The following MYOCD variants were observed in gnomAD, a reference collection of about 807,000 sequenced individuals.
The protein encoded by MYOCD is myocardin.
Under a neutral mutation model 96.1 loss-of-function variants are expected in MYOCD, and 32 were observed. The observed-to-expected ratio is 0.33, with a 90% CI of 0.25 to 0.45. MYOCD has a LOEUF of 0.45. Ranked by LOEUF, MYOCD falls within the 20% of genes least tolerant of loss-of-function variation. The probability of loss-of-function intolerance (pLI) is 1.00; values close to 1 mark genes in which losing one functional copy is unlikely to be tolerated. For missense variants in MYOCD, 1,133 were observed against 1,200.6 expected (o/e 0.94, Z 0.83); for synonymous variants, 469 against 469.0 (o/e 1.00, Z 0.00).
intron 5 of MYOCD, among the ~76,000 whole-genome samples, chr17:12,734,255 A>C: frequency 6.6e-6 from 1 of 152,138 alleles, no homozygotes; most frequent in East Asian, 1.9e-4. Context: ...GGAAGTGGGC[A>C]GGGGAGGTGA....
At chr17:12,746,243 T>C (rs2032661608) in intron 9 of MYOCD, among the ~76,000 whole-genome samples, 171 bp downstream of exon 9, 1 of 152,168 alleles carries the variant, frequency 6.6e-6, no homozygotes, top group African/African-American at 2.4e-5. Flanking sequence ...AACACCCCAG[T>C]TGTCTAGTCC....
At chr17:12,706,228 TG>T (rs1202546628) in intron 2 of MYOCD, 1 of 152,158 alleles carries the variant, frequency 6.6e-6, no homozygotes, top group African/African-American at 2.4e-5. Flanking sequence ...GACCTTAAAG[TG>T]GGACAACTCT....
chr17:12,725,868 G>T (rs111533486), intron 5 of MYOCD, among the ~76,000 whole-genome samples: 2,747 of 152,120 alleles, frequency 0.018, 90 homozygotes, highest in African/African-American at 0.063. Context: ...AGAGTAGTTT[G>T]CAAGATAGAT....
chr17:12,743,526 C>G (rs1434391271), intron 7 of MYOCD, among the ~76,000 whole-genome samples: 1 of 113,384 alleles, frequency 8.8e-6, no homozygotes, highest in Non-Finnish European at 1.7e-5. Context: ...GAGTTTCGCT[C>G]TTGTTGCCCA....
Position 12,752,455 on chromosome 17 carries a change from T to C in MYOCD, c.1167T>C (p.Pro389=), listed in dbSNP as rs1442791181. ...AACAGCTTCGAATTCGGGGCTTGCCTGTGTCAGGCACCAAAACGGCTCTCA... is the reference window on the plus strand; with the variant it reads ...AACAGCTTCGAATTCGGGGCTTGCCCGTGTCAGGCACCAAAACGGCTCTCA... The part of the protein sequence containing the change: ...LRQQLRIRGL[P]VSGTKTALMD... Residue 389 remains proline (P), a synonymous_variant, in exon 10 of 14, where the codon CCT becomes CCC. Coordinates refer to ENST00000425538, the MANE Select transcript of MYOCD (RefSeq NM_001146312.3). The C allele has an allele frequency of 6.2e-7, 1 of 1,613,918 alleles. No individual in the cohort carries two copies. The highest frequency in any genetic ancestry group is 1.1e-5 in the South Asian group (1 of 91,024).
intron 1 of MYOCD, among the ~76,000 whole-genome samples, chr17:12,693,875 G>GA (rs1278458417): frequency 1.3e-5 from 2 of 151,676 alleles, no homozygotes; most frequent in Admixed American, 6.6e-5. Context: ...TGCAAGAATA[G>GA]AAAAAAATAC....
chr17:12,733,969 T>C (rs2150701182), intron 5 of MYOCD, among the ~76,000 whole-genome samples: 1 of 152,276 alleles, frequency 6.6e-6, no homozygotes, highest in Non-Finnish European at 1.5e-5. Context: ...TTGCTGCCAC[T>C]GCTAGGTAAA....
At chr17:12,731,044 C>A (rs1004006571) in intron 5 of MYOCD, among the ~76,000 whole-genome samples, 1 of 152,188 alleles carries the variant, frequency 6.6e-6, no homozygotes, top group East Asian at 1.9e-4. Context: ...GCCAGTCCTG[C>A]GAGCATAGCC....
chr17:12,677,357 G>C (rs988688922), intron 1 of MYOCD, among the ~76,000 whole-genome samples: 1 of 151,964 alleles, frequency 6.6e-6, no homozygotes, highest in Non-Finnish European at 1.5e-5. Flanking sequence ...CCCATGACAC[G>C]CGTTTACCTG....
intron 1 of MYOCD, among the ~76,000 whole-genome samples, chr17:12,691,039 C>T (rs2030420781): frequency 6.6e-6 from 1 of 152,166 alleles, no homozygotes; most frequent in Admixed American, 6.5e-5. Context: ...AAGTTCTTAG[C>T]TCTATTGTTG....
At chr17:12,738,714 C>T (rs1264565332) in intron 6 of MYOCD, among the ~76,000 whole-genome samples, 1 of 151,738 alleles carries the variant, frequency 6.6e-6, no homozygotes, top group Non-Finnish European at 1.5e-5. Flanking sequence ...TTTTATCTAC[C>T]TTGTTCATTG....
intron 1 of MYOCD, among the ~76,000 whole-genome samples, chr17:12,703,131 G>A (rs2031149771): frequency 6.6e-6 from 1 of 151,906 alleles, no homozygotes; most frequent in African/African-American, 2.4e-5. Flanking sequence ...TGAGTTGGTA[G>A]ATTGGGGGGC....
intron 5 of MYOCD, among the ~76,000 whole-genome samples, chr17:12,732,545 G>T (rs529483638): frequency 3.3e-4 from 50 of 152,278 alleles, no homozygotes; most frequent in African/African-American, 1.1e-3. Context: ...GTCCCATCCA[G>T]ATACAAGGAT....
chr17:12,741,411 A>C (rs552197512), intron 7 of MYOCD, among the ~76,000 whole-genome samples: 1 of 152,340 alleles, frequency 6.6e-6, no homozygotes, highest in African/African-American at 2.4e-5. Context: ...TAAATTTTGC[A>C]TAATTTAAGT....
chr17:12,706,256 G>A (rs571809247), intron 2 of MYOCD: 33 of 152,256 alleles, frequency 2.2e-4, no homozygotes, highest in African/African-American at 7.7e-4. Flanking sequence ...GGTTTGTGAA[G>A]TACAAAAGAA....
intron 6 of MYOCD, among the ~76,000 whole-genome samples, chr17:12,738,879 T>G (rs1326834206): frequency 6.6e-6 from 1 of 151,846 alleles, no homozygotes. Context: ...GTTTTATACC[T>G]GTCTTTTGGA....
rs1431975824 is a variant in MYOCD, at chr17:12,760,722, G to A, written c.2389+15G>A. 1 of 1,610,240 alleles carries A rather than the reference G, an allele frequency of 6.2e-7. No homozygotes were observed. Among genetic ancestry groups the A allele is most frequent in the Non-Finnish European group, 8.5e-7 (1 of 1,176,850 alleles). On this transcript the variant is annotated intron_variant, in intron 13 of 13. Transcript: ENST00000425538. ...TGAAAGCGGAGGTAAGACTGCCTGT[G>A]TCCTGTCCATTAGGACATTCTGAGC...
At chr17:12,740,882 G>C (rs1423504140) in intron 7 of MYOCD, among the ~76,000 whole-genome samples, 1 of 152,098 alleles carries the variant, frequency 6.6e-6, no homozygotes, top group East Asian at 1.9e-4. Flanking sequence ...GGGAGTATAG[G>C]TGCACACCAC....
At chr17:12,717,304 A>T (rs1301199252) in intron 3 of MYOCD, 42 bp from the exon 4 acceptor site, 1 of 1,481,142 alleles carries the variant, frequency 6.8e-7, no homozygotes, top group South Asian at 1.2e-5. Flanking sequence ...TGAGTTTTTT[A>T]AAAGGTAAAA....
Sources: gnomAD v4.1 joint callset for allele counts (sites outside exome capture counted in the v4.1 genomes callset) on GRCh38, gnomAD v4.1.1 for gene constraint, MANE v1.5 for transcripts, NCBI Gene and HGNC (gene_info 2026-07-23, HGNC 2026-07-21) for gene names.